The following INPP5A variants were observed in gnomAD, a reference collection of about 807,000 sequenced individuals.
INPP5A encodes the protein inositol polyphosphate-5-phosphatase A.
Under a neutral mutation model 65.2 loss-of-function variants are expected in INPP5A, and 14 were observed. The observed-to-expected ratio is 0.21, with a 90% confidence interval of 0.14 to 0.34. The LOEUF is 0.34. Ranked by LOEUF, INPP5A falls within the 10% of genes least tolerant of loss-of-function variation. INPP5A has a pLI of 1.00. For synonymous variants in INPP5A, 207 were observed against 208.3 expected (o/e 0.99, Z 0.05); for missense variants, 431 against 545.6 (o/e 0.79, Z 2.09).
intron 11 of INPP5A, among the ~76,000 whole-genome samples, chr10:132,761,324 C>T (rs1222405939): frequency 6.6e-6 from 1 of 152,250 alleles, no homozygotes; most frequent in Non-Finnish European, 1.5e-5. Context: ...ACAGGAAAGG[C>T]ACTGCAGTGC....
intron 1 of INPP5A, among the ~76,000 whole-genome samples, chr10:132,596,244 G>A (rs1041839091): frequency 1.3e-5 from 2 of 152,200 alleles, no homozygotes; most frequent in Non-Finnish European, 2.9e-5. Flanking sequence ...GCATGGCGGC[G>A]TGGCGGCATG....
At position 132,651,873 on chromosome 10, in the gene INPP5A, G is replaced by T. The variant is rs1249607519; in HGVS notation, c.306+1368G>T. On this transcript the variant is annotated intron_variant, in intron 4 of 15. Coordinates refer to ENST00000368594, the MANE Select transcript of INPP5A (RefSeq NM_005539.5). The surrounding 1 kb of genome is among the most constrained non-coding windows in gnomAD (Gnocchi z 5.0). ...CCCGGGAATCCCCCGTTCGGTCTCC[G>T]ACCCTCGCCCTGTCAAGCAGCTGCC... Among the ~76,000 whole-genome samples, 1 of 152,134 alleles carries T rather than the reference G, an allele frequency of 6.6e-6. No homozygotes were observed. The highest frequency in any genetic ancestry group is 2.4e-5 in the African/African-American group (1 of 41,434).
At chr10:132,731,075 G>A (rs1375599705) in intron 9 of INPP5A, among the ~76,000 whole-genome samples, 1 of 152,206 alleles carries the variant, frequency 6.6e-6, no homozygotes, top group Non-Finnish European at 1.5e-5. Flanking sequence ...ACAGCCCTGA[G>A]GTGGGCCCTG....
At position 132,727,167 on chromosome 10, in the gene INPP5A, C is replaced by T. The variant is rs917009291; in HGVS notation, c.732+262C>T. ...TGGGGCTTTGCCCTGTGGCTTCCGC[C>T]GTCGGCACACAAGGAGCTGCTGGAG... is the stretch of plus-strand genomic sequence containing the variant. On this transcript the variant is annotated intron_variant, in intron 9 of 15. Coordinates refer to ENST00000368594, the MANE Select transcript of INPP5A (RefSeq NM_005539.5). The surrounding 1 kb of genome is among the most constrained non-coding windows in gnomAD (Gnocchi z 6.5). 3.6e-5 allele frequency: 12 copies of T among 334,934 alleles called. No individual in the cohort carries two copies. Among genetic ancestry groups the T allele is most frequent in the East Asian group, 5.1e-5 (1 of 19,768 alleles). The allele number at this position is 334,934 out of a possible 1,614,324, so 20.7% of individuals were successfully genotyped here.
At chr10:132,700,640 G>GC (rs1236696961) in intron 6 of INPP5A, among the ~76,000 whole-genome samples, 1 of 151,724 alleles carries the variant, frequency 6.6e-6, no homozygotes, top group Non-Finnish European at 1.5e-5. Flanking sequence ...TGGCAGCCTG[G>GC]CCGGGCCCGC....
intron 12 of INPP5A, among the ~76,000 whole-genome samples, chr10:132,772,411 C>A (rs796392740): frequency 1.3e-4 from 10 of 79,780 alleles, no homozygotes; most frequent in African/African-American, 4.9e-4. Flanking sequence ...AGCCACCCCA[C>A]GAGGAGTGGG....
intron 12 of INPP5A, among the ~76,000 whole-genome samples, chr10:132,766,116 G>A (rs903283582): frequency 6.6e-6 from 1 of 151,936 alleles, no homozygotes. Context: ...ATCTGTGTGT[G>A]CACCTGTGCA....
At chr10:132,666,603 G>A (rs1470754980) in intron 4 of INPP5A, among the ~76,000 whole-genome samples, 1 of 152,220 alleles carries the variant, frequency 6.6e-6, no homozygotes, top group Admixed American at 6.5e-5. Context: ...CTTCTGGAGT[G>A]CAGCAGCATC....
chr10:132,720,328 T>C (rs1462646985), intron 8 of INPP5A, among the ~76,000 whole-genome samples: 1 of 150,618 alleles, frequency 6.6e-6, no homozygotes, highest in Non-Finnish European at 1.5e-5. Flanking sequence ...GGGTTCTTTC[T>C]GGAGGCGCCT....
At chr10:132,768,079 C>T (rs58711315) in intron 12 of INPP5A, among the ~76,000 whole-genome samples, 8 of 144,594 alleles carry the variant, frequency 5.5e-5, no homozygotes, top group African/African-American at 2.1e-4. Context: ...CAATGGCATT[C>T]CAGAAAGATC....
At position 132,707,816 on chromosome 10, in the gene INPP5A, CGGCATCGGTGGGTGAGA is replaced by C. The variant is rs1448246198; in HGVS notation, c.475-482_475-466del. 2.0e-5 allele frequency among the ~76,000 whole-genome samples: 3 copies of C among 151,476 alleles called. No individual in the cohort carries two copies. The highest frequency in any genetic ancestry group is 4.4e-5 in the Non-Finnish European group (3 of 67,806). ...TGGGTGAGAGGCATCGGTGGGTGAA[CGGCATCGGTGGGTGAGA>C]GGCATCGGTGGGTGGTGGGGATCAG... On this transcript the variant is annotated intron_variant, in intron 6 of 15. Coordinates refer to ENST00000368594, the MANE Select transcript of INPP5A (RefSeq NM_005539.5). The surrounding 1 kb of genome is among the most constrained non-coding windows in gnomAD (Gnocchi z 5.5).
chr10:132,684,850 G>C (rs1697593889), intron 4 of INPP5A, among the ~76,000 whole-genome samples: 1 of 152,216 alleles, frequency 6.6e-6, no homozygotes, highest in African/African-American at 2.4e-5. Flanking sequence ...CTGGGCTCCT[G>C]CGTGAGGCCG....
At chr10:132,567,333 A>G (rs1466473784) in intron 1 of INPP5A, among the ~76,000 whole-genome samples, 1 of 152,180 alleles carries the variant, frequency 6.6e-6, no homozygotes, top group African/African-American at 2.4e-5. Context: ...ATTTTTTGAG[A>G]TGGGGGCTCA....
chr10:132,565,785 G>A (rs1425981306), intron 1 of INPP5A, among the ~76,000 whole-genome samples: 3 of 151,702 alleles, frequency 2.0e-5, no homozygotes, highest in African/African-American at 7.3e-5. Flanking sequence ...ATGTGAATGC[G>A]TGTGAGTATG....
At chr10:132,734,394 C>T (rs1265844541) in intron 9 of INPP5A, among the ~76,000 whole-genome samples, 1 of 152,258 alleles carries the variant, frequency 6.6e-6, no homozygotes, top group Non-Finnish European at 1.5e-5. Flanking sequence ...GTGGTCCAGC[C>T]TCCAGTGTCT....
intron 8 of INPP5A, among the ~76,000 whole-genome samples, chr10:132,713,499 G>C (rs1052599919): frequency 6.6e-6 from 1 of 152,116 alleles, no homozygotes; most frequent in Non-Finnish European, 1.5e-5. Flanking sequence ...TCCCATCCCT[G>C]TGCTGTTATT....
rs2071037422 is a variant in INPP5A, at chr10:132,550,606, T to G, written c.75+12435T>G. Among the ~76,000 whole-genome samples, 1 of 152,234 alleles carries G rather than the reference T, an allele frequency of 6.6e-6. No homozygotes were observed. Among genetic ancestry groups the G allele is most frequent in the Admixed American group, 6.5e-5 (1 of 15,280 alleles). ...ATGGTACGAACCTTCTGAATGCAAGTGGCCAAGCCGGCATTCTGGCTGGGC... is the reference window on the plus strand; with the variant it reads ...ATGGTACGAACCTTCTGAATGCAAGGGGCCAAGCCGGCATTCTGGCTGGGC... On this transcript the variant is annotated intron_variant, in intron 1 of 15. Transcript: ENST00000368594. This position sits in a 1 kb window ranked among gnomAD's most constrained non-coding sequence, Gnocchi z 4.2.
intron 1 of INPP5A, among the ~76,000 whole-genome samples, chr10:132,598,511 T>A (rs2071736867): frequency 6.6e-6 from 1 of 152,226 alleles, no homozygotes; most frequent in Admixed American, 6.5e-5. Context: ...TCTTTTTGTG[T>A]TTGGCTTATT....
At chr10:132,544,480 G>A (rs1189529318) in intron 1 of INPP5A, among the ~76,000 whole-genome samples, 2 of 152,028 alleles carry the variant, frequency 1.3e-5, no homozygotes, top group African/African-American at 4.8e-5. Flanking sequence ...AGATCTCGGT[G>A]CACTTTCCCT....
Sources: gnomAD v4.1 joint callset for allele counts (sites outside exome capture counted in the v4.1 genomes callset) on GRCh38, gnomAD v4.1.1 for gene constraint, Gnocchi (gnomAD v3.1) non-coding constraint, MANE v1.5 for transcripts, NCBI Gene and HGNC (gene_info 2026-07-23, HGNC 2026-07-21) for gene names.